GABRA4: variants seen among roughly 807,000 people sequenced by gnomAD.
The protein encoded by GABRA4 is gamma-aminobutyric acid type A receptor subunit alpha4.
GABRA4 carries 12 observed loss-of-function variants against 49.7 expected under a neutral mutation model. The observed-to-expected ratio is 0.24, with a 90% CI of 0.15 to 0.39. GABRA4 has a LOEUF of 0.39. Among genes scored for constraint, GABRA4 ranks in the 10% least tolerant of loss-of-function variants. GABRA4 has a pLI of 1.00. For missense variants in GABRA4, 506 were observed against 686.0 expected, an observed-to-expected ratio of 0.74 and a Z score of 2.93; for synonymous variants, 288 against 240.2, an observed-to-expected ratio of 1.20 and a Z score of -1.84.
rs1720926133 is a variant in GABRA4, at chr4:46,920,120, A to AG, written c.*8104dup. The AG allele has an allele frequency of 6.6e-6, 1 of 151,704 alleles. No individual in the cohort carries two copies. Among genetic ancestry groups the AG allele is most frequent in the Non-Finnish European group, 1.5e-5 (1 of 67,658 alleles). 9.4% of individuals were successfully genotyped at this position (151,704 alleles called of 1,614,324 possible). On this transcript the variant is annotated 3_prime_UTR_variant, in exon 9 of 9. Transcript: ENST00000264318. ...TATAATTCACAAGTATAAAAGACTGAGAAAAAAATATGTCAATCAAACTTT... is the reference window on the plus strand; with the variant it reads ...TATAATTCACAAGTATAAAAGACTGAGGAAAAAAATATGTCAATCAAACTTT...
At chr4:46,987,590 C>T (rs1396428052) in intron 2 of GABRA4, among the ~76,000 whole-genome samples, 1 of 152,006 alleles carries the variant, frequency 6.6e-6, no homozygotes, top group Non-Finnish European at 1.5e-5. Flanking sequence ...TTACTTCTCT[C>T]TCTTTTTTTT....
At chr4:46,975,438 T>C (rs917608997) in intron 5 of GABRA4, among the ~76,000 whole-genome samples, 2 of 152,004 alleles carry the variant, frequency 1.3e-5, no homozygotes, top group African/African-American at 4.8e-5. Flanking sequence ...TAAGTATCCT[T>C]CCTTTGGCTA....
At chr4:46,964,939 T>A in intron 8 of GABRA4, 31 bp downstream of exon 8, 5 of 1,530,144 alleles carry the variant, frequency 3.3e-6, no homozygotes, top group Non-Finnish European at 4.4e-6. Flanking sequence ...GAAGCTAAAA[T>A]CTTAAACTGA....
Position 46,955,493 on chromosome 4 carries a change from C to T in GABRA4, c.1134+9477G>A, listed in dbSNP as rs532422544. Among the ~76,000 whole-genome samples the T allele has an allele frequency of 7.2e-5, 11 of 152,090 alleles. No individual in the cohort carries two copies. The East Asian group carries it at 1.2e-3, about 16-fold the overall frequency. The stretch of plus-strand genomic sequence containing the variant: ...GGTAATACTTAATTTATTACTTTTT[C>T]GCATTTCAAAGAGTAATTTGAAGCT... On this transcript the variant is annotated intron_variant, in intron 8 of 8. Coordinates refer to ENST00000264318, the MANE Select transcript of GABRA4 (RefSeq NM_000809.4).
At position 46,967,871 on chromosome 4, in the gene GABRA4, C is replaced by T. The variant is rs528767941; in HGVS notation, c.875-2642G>A. Among the ~76,000 whole-genome samples the T allele has an allele frequency of 2.0e-5, 3 of 151,690 alleles. No individual in the cohort carries two copies. The South Asian group carries it at 6.2e-4, about 31-fold the overall frequency. On this transcript the variant is annotated intron_variant, in intron 7 of 8. Transcript: ENST00000264318. ...AGAGTGAATTTTTGGCTGGCCACTC[C>T]TAGAAAATGAAATAGCAATGATTAA...
chr4:46,968,566 T>C (rs903867451), intron 7 of GABRA4, among the ~76,000 whole-genome samples: 2 of 151,630 alleles, frequency 1.3e-5, no homozygotes, highest in African/African-American at 4.8e-5. Flanking sequence ...TCTTAATATG[T>C]TTGAGTCATT....
chr4:46,961,199 C>T (rs2109369881), intron 8 of GABRA4, among the ~76,000 whole-genome samples: 1 of 151,838 alleles, frequency 6.6e-6, no homozygotes, highest in East Asian at 1.9e-4. Context: ...TTTTCACCTG[C>T]ACACACGCCA....
At chr4:46,961,781 T>C (rs184194340) in intron 8 of GABRA4, among the ~76,000 whole-genome samples, 229 of 151,442 alleles carry the variant, frequency 1.5e-3, no homozygotes, top group Non-Finnish European at 1.7e-3. Flanking sequence ...AAAAAGAAGC[T>C]GAGTAGAGTG....
chr4:46,956,904 T>C (rs1333905064), intron 8 of GABRA4, among the ~76,000 whole-genome samples: 1 of 152,084 alleles, frequency 6.6e-6, no homozygotes, highest in African/African-American at 2.4e-5. Context: ...AAGTGTGCTG[T>C]ATGAAGCTAT....
At chr4:46,942,463 A>G (rs1207848349) in intron 8 of GABRA4, among the ~76,000 whole-genome samples, 1 of 151,888 alleles carries the variant, frequency 6.6e-6, no homozygotes, top group Non-Finnish European at 1.5e-5. Context: ...CTACTAAAAA[A>G]TATATACAAA....
Position 46,919,558 on chromosome 4 carries a change from A to G in GABRA4, c.*8667T>C, listed in dbSNP as rs1213321209. 6.6e-6 allele frequency: 1 copy of G among 151,640 alleles called. No individual in the cohort carries two copies. The highest frequency in any genetic ancestry group is 1.9e-4 in the East Asian group (1 of 5,194). The allele number at this position is 151,640 out of a possible 1,614,324, so 9.4% of individuals were successfully genotyped here. ...AATATTGAAGCTCAGATGATAACAA[A>G]TTTAGTTTTTATGATATGAGGAAAT... On this transcript the variant is annotated 3_prime_UTR_variant, in exon 9 of 9. Coordinates refer to ENST00000264318, the MANE Select transcript of GABRA4 (RefSeq NM_000809.4).
chr4:46,971,419 T>C (rs1722944119), intron 6 of GABRA4, among the ~76,000 whole-genome samples, 184 bp from the exon 7 acceptor site: 1 of 151,558 alleles, frequency 6.6e-6, no homozygotes, highest in South Asian at 2.1e-4. Flanking sequence ...TTGAACGTTA[T>C]TATACAGAAA....
chr4:46,993,520 C>G lies in GABRA4; in HGVS notation c.-96G>C. ...GGAGAGGGCAGAGAGGCTCCCGCGG[C>G]GTGCGCACACTCGCGCTCACACTCG... On this transcript the variant is annotated 5_prime_UTR_variant, in exon 1 of 9. Transcript: ENST00000264318. 3.8e-6 allele frequency: 5 copies of G among 1,300,852 alleles called. No individual in the cohort carries two copies. Among genetic ancestry groups the G allele is most frequent in the Non-Finnish European group, 5.5e-6 (5 of 913,228 alleles). The allele number at this position is 1,300,852 out of a possible 1,614,324, so 80.6% of individuals were successfully genotyped here. A position where few individuals can be genotyped will look rare whatever the true frequency, so the allele number is the denominator to read the frequency against.
chr4:46,971,730 T>G (rs1003124214), intron 6 of GABRA4, among the ~76,000 whole-genome samples: 1 of 150,826 alleles, frequency 6.6e-6, no homozygotes, highest in Non-Finnish European at 1.5e-5. Context: ...ATATTTAAAT[T>G]TCATTCATAT....
intron 2 of GABRA4, among the ~76,000 whole-genome samples, chr4:46,981,796 GTCA>G (rs1468700318): frequency 6.6e-6 from 1 of 152,134 alleles, no homozygotes; most frequent in Non-Finnish European, 1.5e-5. Context: ...CTGATTTGCA[GTCA>G]TAGCTGCTTC....
At chr4:46,982,995 G>A (rs1723410292) in intron 2 of GABRA4, among the ~76,000 whole-genome samples, 1 of 152,016 alleles carries the variant, frequency 6.6e-6, no homozygotes. Context: ...TGAATTATGT[G>A]CCAGGTAGGC....
intron 8 of GABRA4, among the ~76,000 whole-genome samples, chr4:46,929,627 A>T (rs2109935543): frequency 6.6e-6 from 1 of 152,258 alleles, no homozygotes; most frequent in East Asian, 1.9e-4. Flanking sequence ...TATATACATA[A>T]TTAATTATAG....
chr4:46,968,668 A>G (rs1722849492), intron 7 of GABRA4, among the ~76,000 whole-genome samples: 1 of 151,650 alleles, frequency 6.6e-6, no homozygotes, highest in South Asian at 2.1e-4. Flanking sequence ...TACTAGTAAT[A>G]CTAATATCCT....
intron 7 of GABRA4, 141 bp from the exon 8 acceptor site, chr4:46,965,370 T>C (rs1181435443): frequency 3.3e-6 from 2 of 608,092 alleles, no homozygotes; most frequent in East Asian, 3.2e-5. Flanking sequence ...CCATCTTTGA[T>C]GGAGAATTGG....
Sources: gnomAD v4.1 joint callset for allele counts (sites outside exome capture counted in the v4.1 genomes callset) on GRCh38, gnomAD v4.1.1 for gene constraint, MANE v1.5 for transcripts, NCBI Gene and HGNC (gene_info 2026-07-23, HGNC 2026-07-21) for gene names.